Variants in RBM46 observed in about 807,000 individuals in gnomAD.
RBM46 encodes probable RNA-binding protein 46.
RBM46 carries 12 observed loss-of-function variants against 43.3 expected under a neutral mutation model. That is an observed-to-expected ratio of 0.28 (90% CI 0.18 to 0.45). The LOEUF is 0.45. Ranked by LOEUF, RBM46 falls within the 20% of genes least tolerant of loss-of-function variation. The pLI is 1.00. For synonymous variants in RBM46, 205 were observed against 207.6 expected (o/e 0.99, Z 0.11); for missense variants, 412 against 639.1 (o/e 0.64, Z 3.83).
chr4:154,816,345 A>G (rs1034179631), intron 4 of RBM46, among the ~76,000 whole-genome samples: 1 of 152,084 alleles, frequency 6.6e-6, no homozygotes, highest in Non-Finnish European at 1.5e-5. Context: ...ACATTTTTAT[A>G]GTATTGGGTC....
chr4:154,792,983 C>T (rs552837266), intron 1 of RBM46, among the ~76,000 whole-genome samples: 2 of 152,278 alleles, frequency 1.3e-5, no homozygotes, highest in East Asian at 1.9e-4. Context: ...GTAAGGGTTA[C>T]TTGAGTCCTT....
intron 1 of RBM46, among the ~76,000 whole-genome samples, chr4:154,796,370 G>A (rs1211904820): frequency 6.6e-6 from 1 of 152,122 alleles, no homozygotes; most frequent in Non-Finnish European, 1.5e-5. Context: ...TTTAAATTTT[G>A]GGCTATGTAG....
intron 4 of RBM46, among the ~76,000 whole-genome samples, chr4:154,817,331 CTTTT>C (rs58860836): frequency 2.2e-4 from 28 of 126,374 alleles, no homozygotes; most frequent in Admixed American, 3.3e-4. Context: ...TTTTCTCTTT[CTTTT>C]TTTTTTTTTT....
chr4:154,826,919 C>T (rs1317384446), intron 4 of RBM46: 1 of 1,346,928 alleles, frequency 7.4e-7, no homozygotes, highest in Admixed American at 3.5e-5. Context: ...AAAACCTTAC[C>T]TGTACATTAG....
intron 1 of RBM46, among the ~76,000 whole-genome samples, chr4:154,787,503 G>C (rs1733839463): frequency 6.6e-6 from 1 of 151,880 alleles, no homozygotes; most frequent in Non-Finnish European, 1.5e-5. Flanking sequence ...TCCCTACAAA[G>C]GACATGAACT....
At chr4:154,821,412 A>G (rs919153896) in intron 4 of RBM46, among the ~76,000 whole-genome samples, 3 of 151,618 alleles carry the variant, frequency 2.0e-5, no homozygotes, top group African/African-American at 7.3e-5. Flanking sequence ...TTTAACCTAT[A>G]CTGAAGCCTA....
At chr4:154,784,876 G>A (rs1028320380) in intron 1 of RBM46, among the ~76,000 whole-genome samples, 5 of 152,136 alleles carry the variant, frequency 3.3e-5, no homozygotes, top group Admixed American at 2.6e-4. Context: ...TGCTTTCTTG[G>A]ATATTTAGGT....
chr4:154,785,575 T>C (rs1003790709), intron 1 of RBM46, among the ~76,000 whole-genome samples: 4 of 152,176 alleles, frequency 2.6e-5, no homozygotes, highest in African/African-American at 7.2e-5. Context: ...GCAAAAACTT[T>C]TGCAACAGTC....
In RBM46 at chr4:154,788,070, G is replaced by T. The variant is rs183375962; in HGVS notation, c.-12+6634G>T. On this transcript the variant is annotated intron_variant, in intron 1 of 4. Coordinates refer to ENST00000281722, the MANE Select transcript of RBM46 (RefSeq NM_144979.5). Reference sequence around the variant, plus strand: ...CTTGTAAATCTGTTTAAGTTCTTTGGAGATTCTGGATATTAGCCCTTTGTC... The same window carrying T: ...CTTGTAAATCTGTTTAAGTTCTTTGTAGATTCTGGATATTAGCCCTTTGTC... Among the ~76,000 whole-genome samples, 82 of 152,144 alleles carry T rather than the reference G, an allele frequency of 5.4e-4. 1 individual carries two copies. In the East Asian group the frequency reaches 0.014, roughly 27 times the overall value.
intron 3 of RBM46, 136 bp downstream of exon 3, chr4:154,798,414 A>G (rs1734452599): frequency 3.3e-6 from 2 of 614,310 alleles, no homozygotes; most frequent in Admixed American, 3.6e-5. Flanking sequence ...ATGAAGTAAA[A>G]TAAATTACAT....
chr4:154,790,427 C>T (rs1392393139), intron 1 of RBM46: 1 of 152,164 alleles, frequency 6.6e-6, no homozygotes, highest in Non-Finnish European at 1.5e-5. Context: ...GGAGCTTGCT[C>T]CATCTGCTCC....
intron 2 of RBM46, 103 bp from the exon 3 acceptor site, chr4:154,797,708 G>T: frequency 1.4e-6 from 1 of 692,316 alleles, no homozygotes; most frequent in Non-Finnish European, 2.3e-6. Context: ...CTAGAATTGT[G>T]AGTGGCACAT....
At chr4:154,825,685 A>C (rs914763603) in intron 4 of RBM46, among the ~76,000 whole-genome samples, 2 of 152,192 alleles carry the variant, frequency 1.3e-5, no homozygotes, top group African/African-American at 4.8e-5. Flanking sequence ...TACAGTGGGG[A>C]CCATCAGGAA....
chr4:154,794,407 C>G (rs952469530), intron 1 of RBM46, among the ~76,000 whole-genome samples: 4 of 152,022 alleles, frequency 2.6e-5, no homozygotes, highest in Non-Finnish European at 5.9e-5. Flanking sequence ...ATCTCGACCT[C>G]CTGACCTCGT....
At position 154,781,394 on chromosome 4, in the gene RBM46, T is replaced by C. The variant is rs1733451832; in HGVS notation, c.-54T>C. On this transcript the variant is annotated 5_prime_UTR_variant, in exon 1 of 5. Coordinates refer to ENST00000281722, the MANE Select transcript of RBM46 (RefSeq NM_144979.5). ...AAACGGTGGCGGCGGTTTTTGGTCG[T>C]TGGGCCCCGGGATTTAGGACCAACA... 6.6e-6 allele frequency: 1 copy of C among 152,180 alleles called. No homozygotes were observed. The highest frequency in any genetic ancestry group is 2.1e-4 in the South Asian group (1 of 4,820). The allele number at this position is 152,180 out of a possible 1,614,324, so 9.4% of individuals were successfully genotyped here.
At chr4:154,783,950 G>A (rs1328975000) in intron 1 of RBM46, among the ~76,000 whole-genome samples, 1 of 152,144 alleles carries the variant, frequency 6.6e-6, no homozygotes, top group East Asian at 1.9e-4. Context: ...AGTGGCTGTA[G>A]TGCAGTCTGT....
intron 4 of RBM46, among the ~76,000 whole-genome samples, chr4:154,826,498 G>C (rs1283631792): frequency 4.6e-5 from 7 of 151,938 alleles, no homozygotes; most frequent in African/African-American, 1.7e-4. Context: ...TAAATTGTAT[G>C]GTACGTAGAG....
chr4:154,820,370 A>T, intron 4 of RBM46: 1 of 1,524,354 alleles, frequency 6.6e-7, no homozygotes, highest in Non-Finnish European at 8.8e-7. Context: ...CAGACAGGGA[A>T]CACAATCTCT....
intron 4 of RBM46, among the ~76,000 whole-genome samples, chr4:154,801,089 C>A (rs184233968): frequency 1.3e-5 from 2 of 151,824 alleles, no homozygotes; most frequent in African/African-American, 4.8e-5. Context: ...AGCAATTCTC[C>A]TGCCTCAGCC....
Sources: allele counts gnomAD v4.1 joint callset (sites outside exome capture counted in the v4.1 genomes callset), GRCh38; gene constraint gnomAD v4.1.1; transcripts MANE v1.5; gene names NCBI Gene and HGNC (gene_info 2026-07-23, HGNC 2026-07-21).